Variants in RERE observed in about 807,000 individuals in gnomAD.
RERE encodes arginine-glutamic acid dipeptide repeats.
RERE carries 40 observed loss-of-function variants against 146.1 expected under a neutral mutation model. The observed-to-expected ratio is 0.27, with a 90% CI of 0.21 to 0.36. The LOEUF is 0.36. RERE is among the 10% of genes least tolerant of loss of function. RERE has a pLI of 1.00. For missense variants in RERE, 1,933 were observed against 2,138.7 expected (o/e 0.90, Z 1.90); for synonymous variants, 1,003 against 866.0 (o/e 1.16, Z -2.78).
At chr1:8,775,110 G>A (rs1465916779) in intron 1 of RERE, among the ~76,000 whole-genome samples, 2 of 151,832 alleles carry the variant, frequency 1.3e-5, no homozygotes, top group East Asian at 1.9e-4. Context: ...ACAGGCGCAC[G>A]CCACCACGCC....
chr1:8,811,813 C>T (rs2124607700), intron 1 of RERE, among the ~76,000 whole-genome samples: 1 of 152,342 alleles, frequency 6.6e-6, no homozygotes, highest in Middle Eastern at 3.4e-3. Flanking sequence ...TAGTCCAGGC[C>T]AACCACATTA....
chr1:8,418,821 C>T, intron 12 of RERE, among the ~76,000 whole-genome samples: 1 of 152,260 alleles, frequency 6.6e-6, no homozygotes, highest in South Asian at 2.1e-4. Context: ...CCTACTTTTT[C>T]AGGCATTACC....
At position 8,671,736 on chromosome 1, in the gene RERE, T is replaced by C. The variant is rs549100994; in HGVS notation, c.-144-15295A>G. Reference sequence around the variant, plus strand: ...CATGTAGTGACTAATTATATGAATTTAAAACAAAGTTCAACTCTAGAAAAA... The same window carrying C: ...CATGTAGTGACTAATTATATGAATTCAAAACAAAGTTCAACTCTAGAAAAA... On this transcript the variant is annotated intron_variant, in intron 1 of 22. Transcript: ENST00000400908. 2.0e-5 allele frequency among the ~76,000 whole-genome samples: 3 copies of C among 152,360 alleles called. No individual in the cohort carries two copies. In the South Asian group the frequency reaches 6.2e-4, roughly 32 times the overall value.
At position 8,369,524 on chromosome 1, in the gene RERE, AAAAAAAAAAAAAAG is replaced by A. The variant is rs752230576; in HGVS notation, c.1285-3564_1285-3551del. Among the ~76,000 whole-genome samples the A allele has an allele frequency of 3.6e-3, 516 of 144,172 alleles. 1 individual carries two copies. The Middle Eastern group carries it at 0.059, about 17-fold the overall frequency. The allele number at this position is 144,172 out of a possible 152,430, so 94.6% of individuals were successfully genotyped here. On this transcript the variant is annotated intron_variant, in intron 12 of 22. Transcript: ENST00000400908. ...GCCTTTTACTAAAAAAAAAAAAAAAAAAAAAAAAAAAAAGAAGAAAAGAAAATGACCAGGCAGGA... is the reference window on the plus strand; with the variant it reads ...GCCTTTTACTAAAAAAAAAAAAAAAAAAGAAAAGAAAATGACCAGGCAGGA...
intron 1 of RERE, among the ~76,000 whole-genome samples, chr1:8,741,808 T>C (rs939293383): frequency 2.0e-5 from 3 of 152,146 alleles, no homozygotes; most frequent in Admixed American, 6.5e-5. Context: ...AATAACAACT[T>C]AAAAGGAGAA....
At chr1:8,436,718 T>C (rs1644174664) in intron 11 of RERE, among the ~76,000 whole-genome samples, 1 of 152,222 alleles carries the variant, frequency 6.6e-6, no homozygotes, top group African/African-American at 2.4e-5. Context: ...TTAATTTAAA[T>C]GTTTTATTTA....
chr1:8,751,777 TAA>T (rs144355478), intron 1 of RERE, among the ~76,000 whole-genome samples: 189 of 141,444 alleles, frequency 1.3e-3, no homozygotes, highest in African/African-American at 4.1e-3. Context: ...CCTTTCACTT[TAA>T]AAAAAAAAAA....
At chr1:8,499,886 G>A (rs1645106306) in intron 8 of RERE, among the ~76,000 whole-genome samples, 4 of 152,230 alleles carry the variant, frequency 2.6e-5, no homozygotes, top group Admixed American at 1.3e-4. Context: ...TTCAGAGGCC[G>A]AGGCGGGCAG....
intron 1 of RERE, among the ~76,000 whole-genome samples, chr1:8,745,825 T>C (rs1305214942): frequency 6.6e-6 from 1 of 152,182 alleles, no homozygotes; most frequent in Non-Finnish European, 1.5e-5. Context: ...ATACTAGCAC[T>C]TTGGGAGGCT....
intron 12 of RERE, among the ~76,000 whole-genome samples, chr1:8,412,737 C>A (rs371642944): frequency 6.6e-6 from 1 of 152,222 alleles, no homozygotes; most frequent in Non-Finnish European, 1.5e-5. Context: ...ATAAACAGAA[C>A]AGGAAGGACC....
chr1:8,367,602 C>T (rs1177968148), intron 12 of RERE, among the ~76,000 whole-genome samples: 2 of 152,200 alleles, frequency 1.3e-5, no homozygotes, highest in Non-Finnish European at 2.9e-5. Context: ...GGAGCCATCT[C>T]GGGACAAGCA....
At chr1:8,804,413 C>G (rs1641644509) in intron 1 of RERE, among the ~76,000 whole-genome samples, 1 of 152,150 alleles carries the variant, frequency 6.6e-6, no homozygotes, top group Non-Finnish European at 1.5e-5. Flanking sequence ...GTCAAATTAT[C>G]AAATGTGTTA....
chr1:8,606,849 T>C (rs757257284), intron 4 of RERE, among the ~76,000 whole-genome samples: 4 of 152,156 alleles, frequency 2.6e-5, no homozygotes, highest in Non-Finnish European at 5.9e-5. Flanking sequence ...TTTAAGGGGA[T>C]AGGAAAAGTA....
intron 10 of RERE, among the ~76,000 whole-genome samples, chr1:8,471,556 C>G (rs932500331): frequency 4.2e-5 from 6 of 143,358 alleles, no homozygotes; most frequent in Non-Finnish European, 9.0e-5. Context: ...CACTCTGTTG[C>G]CTGAGCTAGA....
Position 8,763,833 on chromosome 1 carries a change from C to T in RERE, c.-145+53327G>A, listed in dbSNP as rs183740474. On this transcript the variant is annotated intron_variant, in intron 1 of 22. Transcript: ENST00000400908. Reference sequence around the variant, plus strand: ...ATGCGCACCTGTAGTCCCAACTACTCGGGAGGCCGAGGCAGGAGAATCACT... The same window carrying T: ...ATGCGCACCTGTAGTCCCAACTACTTGGGAGGCCGAGGCAGGAGAATCACT... 3.4e-3 allele frequency among the ~76,000 whole-genome samples: 514 copies of T among 150,568 alleles called. 3 individuals are homozygous for T. The highest frequency in any genetic ancestry group is 9.4e-3 in the African/African-American group (384 of 40,930).
intron 12 of RERE, among the ~76,000 whole-genome samples, chr1:8,371,395 C>T (rs1223944460): frequency 1.3e-5 from 2 of 152,090 alleles, no homozygotes; most frequent in Non-Finnish European, 2.9e-5. Flanking sequence ...CCTTTAATTT[C>T]CCACAAAAAG....
intron 1 of RERE, among the ~76,000 whole-genome samples, chr1:8,683,640 T>A (rs1639023736): frequency 6.6e-6 from 1 of 152,206 alleles, no homozygotes; most frequent in South Asian, 2.1e-4. Context: ...TTTATATGAC[T>A]TTATTTTTAA....
intron 2 of RERE, among the ~76,000 whole-genome samples, chr1:8,645,759 C>T (rs370522585): frequency 1.5e-4 from 23 of 152,276 alleles, no homozygotes; most frequent in African/African-American, 4.6e-4. Context: ...ATATCACTTC[C>T]CATTTCTCTA....
intron 12 of RERE, among the ~76,000 whole-genome samples, chr1:8,415,221 AACC>A (rs1451675111): frequency 6.6e-6 from 1 of 152,236 alleles, no homozygotes; most frequent in Admixed American, 6.5e-5. Flanking sequence ...TAACCACAGC[AACC>A]ACAACTTGTA....
Sources: allele counts gnomAD v4.1 joint callset (sites outside exome capture counted in the v4.1 genomes callset), GRCh38; gene constraint gnomAD v4.1.1; transcripts MANE v1.5; gene names NCBI Gene and HGNC (gene_info 2026-07-23, HGNC 2026-07-21).